Variants in GP2 observed in about 807,000 individuals in gnomAD.
The protein encoded by GP2 is glycoprotein 2, also known as pancreatic secretory granule membrane major glycoprotein GP2.
Under a neutral mutation model 60.8 loss-of-function variants are expected in GP2, and 58 were observed. That is an observed-to-expected ratio of 0.95 (90% confidence interval 0.77 to 1.19). GP2 has a LOEUF of 1.19. Among genes scored for constraint, GP2 ranks in the 50% most tolerant of loss-of-function variants. GP2 has a pLI of 0.00. For missense variants in GP2, 647 were observed against 667.4 expected, an observed-to-expected ratio of 0.97 and a Z score of 0.34; for synonymous variants, 280 against 253.4, an observed-to-expected ratio of 1.10 and a Z score of -1.00.
chr16:20,317,362 G>A lies in GP2; in HGVS notation c.1267C>T (p.Arg423Cys), dbSNP rs201001285. 14 of 1,613,434 alleles carry A rather than the reference G, an allele frequency of 8.7e-6. No homozygotes were observed. The highest frequency in any genetic ancestry group is 1.3e-5 in the African/African-American group (1 of 74,914). The change falls in exon 8 of 11, where the codon CGT (arginine) becomes TGT (cysteine). Residue 423 changes from arginine (R) to cysteine (C), a missense_variant. Physicochemically the swap from Arg to Cys is radical, Grantham distance 180. Coordinates refer to ENST00000302555, the MANE Select transcript of GP2 (RefSeq NM_001502.4). ...FIIRNSCSNQ[R>C]DSTIHVEENG... The stretch of plus-strand genomic sequence containing the variant: ...TCCTCCACGTGGATGGTGGAATCAC[G>A]TTGATTTGAGCAGCTGGGAGGGTGA...
At chr16:20,317,152 G>A (rs1257560629) in intron 8 of GP2, 61 bp downstream of exon 8, 1 of 457,154 alleles carries the variant, frequency 2.2e-6, no homozygotes, top group Non-Finnish European at 3.3e-6. Context: ...TATATGGAAA[G>A]CCTATCAGGT....
intron 6 of GP2, among the ~76,000 whole-genome samples, chr16:20,318,970 CAGAA>C (rs1964265087): frequency 6.6e-6 from 1 of 152,162 alleles, no homozygotes; most frequent in South Asian, 2.1e-4. Context: ...TTTGACATCT[CAGAA>C]AGTCCCCTAG....
At chr16:20,313,377 A>G (rs930127651) in intron 10 of GP2, among the ~76,000 whole-genome samples, 1 of 152,046 alleles carries the variant, frequency 6.6e-6, no homozygotes, top group Non-Finnish European at 1.5e-5. Context: ...ACCTGGTGAA[A>G]TTCTTTCCAG....
chr16:20,326,119 T>C, intron 2 of GP2: 1 of 565,962 alleles, frequency 1.8e-6, no homozygotes, highest in Non-Finnish European at 3.2e-6. Flanking sequence ...GTTAACTGGC[T>C]CCCACTGCCC....
chr16:20,314,533 G>C lies in GP2; in HGVS notation c.1546+124C>G, dbSNP rs572425899. 3.9e-6 allele frequency: 3 copies of C among 764,876 alleles called. No individual in the cohort carries two copies. In the African/African-American group the frequency reaches 5.1e-5, roughly 13 times the overall value. 47.4% of individuals were successfully genotyped at this position (764,876 alleles called of 1,614,324 possible). ...CCACTATACTGTGGGCATCTCAAAGGCCAATCTTAGGTCTGATTAATGTCA... is the reference window on the plus strand; with the variant it reads ...CCACTATACTGTGGGCATCTCAAAGCCCAATCTTAGGTCTGATTAATGTCA... On this transcript the variant is annotated intron_variant, in intron 10 of 10. Coordinates refer to ENST00000302555, the MANE Select transcript of GP2 (RefSeq NM_001502.4).
intron 2 of GP2, among the ~76,000 whole-genome samples, chr16:20,325,570 A>C (rs1365561572): frequency 6.6e-6 from 1 of 152,194 alleles, no homozygotes; most frequent in Non-Finnish European, 1.5e-5. Flanking sequence ...AATATGTGTA[A>C]AATGCCAAGC....
rs1964550672 is a variant in GP2, at chr16:20,326,947, G to A, written c.-36-480C>T. ...GAGTACTCAGTAGAGGATTAAGGAT[G>A]AATAAATAAATCAATGGGGGTTGGG... On this transcript the variant is annotated intron_variant, in intron 1 of 10. Transcript: ENST00000302555. The A allele has an allele frequency of 4.2e-5, 7 of 166,804 alleles. No individual in the cohort carries two copies. In the South Asian group the frequency reaches 1.1e-3, roughly 27 times the overall value. The allele number at this position is 166,804 out of a possible 1,614,324, so 10.3% of individuals were successfully genotyped here.
At position 20,310,561 on chromosome 16, in the gene GP2, G is replaced by A. The variant is rs1963966009; in HGVS notation, c.*662C>T. On this transcript the variant is annotated 3_prime_UTR_variant, in exon 11 of 11. Transcript: ENST00000302555. ...GATGCTTAGGAAGGAATCGTGGCTGGTGCCTCTTCTCCATGCTCATCCCAT... is the reference window on the plus strand; with the variant it reads ...GATGCTTAGGAAGGAATCGTGGCTGATGCCTCTTCTCCATGCTCATCCCAT... 6.6e-6 allele frequency: 1 copy of A among 152,146 alleles called. No homozygotes were observed. Among genetic ancestry groups the A allele is most frequent in the African/African-American group, 2.4e-5 (1 of 41,390 alleles). 9.4% of individuals were successfully genotyped at this position (152,146 alleles called of 1,614,324 possible).
intron 9 of GP2, 53 bp downstream of exon 9, chr16:20,315,903 T>G: frequency 9.0e-7 from 1 of 1,112,796 alleles, no homozygotes; most frequent in South Asian, 1.2e-5. Flanking sequence ...GCATCTGTGG[T>G]TAACTGTCAA....
At chr16:20,318,093 T>G (rs1964240846) in intron 7 of GP2, 92 bp downstream of exon 7, 1 of 1,040,048 alleles carries the variant, frequency 9.6e-7, no homozygotes, top group East Asian at 2.4e-5. Context: ...TGATATGTAG[T>G]ACAACTTACA....
At chr16:20,314,246 A>G (rs1473005258) in intron 10 of GP2, among the ~76,000 whole-genome samples, 1 of 118,754 alleles carries the variant, frequency 8.4e-6, no homozygotes, top group Non-Finnish European at 1.7e-5. Flanking sequence ...AAAATGAATT[A>G]AAAAAAAAAA....
chr16:20,318,376 G>A lies in GP2; in HGVS notation c.1062C>T (p.Leu354=), dbSNP rs2141600046. 4 of 1,612,614 alleles carry A rather than the reference G, an allele frequency of 2.5e-6. No individual in the cohort carries two copies. The highest frequency in any genetic ancestry group is 3.4e-6 in the Non-Finnish European group (4 of 1,178,644). ...GNGEFIVRMA[L]FQDQNYTNPY... ...GATTCGTGTAGTTCTGGTCTTGGAA[G>A]AGGGCCATCCTGACAATGAACTCTC... Residue 354 remains leucine, a synonymous_variant, in exon 7 of 11, where the codon CTC becomes CTT. Coordinates refer to ENST00000302555, the MANE Select transcript of GP2 (RefSeq NM_001502.4).
chr16:20,324,040 G>A lies in GP2; in HGVS notation c.311C>T (p.Ser104Leu), dbSNP rs775810544. ...RFVGEGGVRMSETCVQVHRCQ... is the reference protein window; with the variant it reads ...RFVGEGGVRMLETCVQVHRCQ... ...TCGGTGCACCTGGACACAGGTCTCC[G>A]ACATCCTTACTCCTCCTTCCCCTAC... is the stretch of plus-strand genomic sequence containing the variant. The change falls in exon 3 of 11, where the codon TCG becomes TTG. Residue 104 changes from serine (S) to leucine (L), a missense_variant. Physicochemically the swap from Ser to Leu is moderately radical, Grantham distance 145. Coordinates refer to ENST00000302555, the MANE Select transcript of GP2 (RefSeq NM_001502.4). 4 of 1,613,648 alleles carry A rather than the reference G, an allele frequency of 2.5e-6. No homozygotes were observed. The highest frequency in any genetic ancestry group is 2.2e-5 in the East Asian group (1 of 44,896).
chr16:20,321,988 T>C (rs564223203), intron 4 of GP2, among the ~76,000 whole-genome samples: 31 of 152,316 alleles, frequency 2.0e-4, no homozygotes, highest in African/African-American at 7.0e-4. Context: ...CTCTGGGGCC[T>C]TATCCACTCA....
At chr16:20,313,933 C>A (rs901242891) in intron 10 of GP2, among the ~76,000 whole-genome samples, 8 of 152,158 alleles carry the variant, frequency 5.3e-5, no homozygotes, top group African/African-American at 1.7e-4. Flanking sequence ...GAGCCTGGGT[C>A]TTTGACAGCT....
rs766928422 is a variant in GP2 at position 20,324,161 on chromosome 16, G to C, written c.190C>G (p.Gln64Glu). The change falls in exon 3 of 11, where the codon CAG (glutamine) becomes GAG (glutamate). Residue 64 changes from glutamine to glutamate, a missense_variant. Gln to Glu is a conservative substitution (Grantham distance 29). Transcript: ENST00000302555. ...PEAHVCFDPC[Q>E]NYTLLDEPFR... The stretch of plus-strand genomic sequence containing the variant: ...GGTTCATCCAGGAGGGTGTAATTCT[G>C]ACAGGGGTCAAAACAGACATGAGCC... 11 of 1,613,844 alleles carry C rather than the reference G, an allele frequency of 6.8e-6. No homozygotes were observed. The highest frequency in any genetic ancestry group is 8.5e-6 in the Non-Finnish European group (10 of 1,179,800).
chr16:20,313,358 G>A (rs893268331), intron 10 of GP2, among the ~76,000 whole-genome samples: 1 of 151,986 alleles, frequency 6.6e-6, no homozygotes, highest in East Asian at 1.9e-4. Flanking sequence ...ACCCCATTCA[G>A]ATGTTACTAC....
chr16:20,320,356 T>A lies in GP2; in HGVS notation c.764A>T (p.Asp255Val). The change falls in exon 5 of 11, where the codon GAC (aspartate) becomes GTC (valine). Residue 255 changes from aspartate to valine, a missense_variant. Transcript: ENST00000302555. Reference sequence around the variant, plus strand: ...CTGCAAGATGCTGCTGCAGTTTGGGTCTCGCAGGTAGGCAATGACCTCCTC... The same window carrying A: ...CTGCAAGATGCTGCTGCAGTTTGGGACTCGCAGGTAGGCAATGACCTCCTC... ...LGEEVIAYLR[D>V]PNCSSILQTE... 1 of 1,613,920 alleles carries A rather than the reference T, an allele frequency of 6.2e-7. No individual in the cohort carries two copies. Among genetic ancestry groups the A allele is most frequent in the Non-Finnish European group, 8.5e-7 (1 of 1,179,880 alleles).
intron 1 of GP2, 72 bp from the exon 2 acceptor site, chr16:20,326,539 C>T (rs1964540624): frequency 2.4e-6 from 3 of 1,230,068 alleles, no homozygotes; most frequent in Non-Finnish European, 3.4e-6. Context: ...CCGTTGACTT[C>T]CTTCATAAAG....
Sources: allele counts gnomAD v4.1 joint callset (sites outside exome capture counted in the v4.1 genomes callset), GRCh38; gene constraint gnomAD v4.1.1; transcripts MANE v1.5; gene names NCBI Gene and HGNC (gene_info 2026-07-23, HGNC 2026-07-21).